Variants in TRMT10B observed in about 807,000 individuals in gnomAD.
TRMT10B encodes tRNA methyltransferase 10 homolog B.
TRMT10B carries 33 observed loss-of-function variants against 43.8 expected under a neutral mutation model. That is an observed-to-expected ratio of 0.75 (90% CI 0.57 to 1.01). The LOEUF (loss-of-function observed/expected upper bound fraction) is 1.01, where lower values mean the gene tolerates loss of function less well. Among genes scored for constraint, TRMT10B ranks in the 50% least tolerant of loss-of-function variants. TRMT10B has a pLI of 0.00. For missense variants in TRMT10B, 362 were observed against 369.8 expected, an observed-to-expected ratio of 0.98 and a Z score of 0.17; for synonymous variants, 137 against 130.6, an observed-to-expected ratio of 1.05 and a Z score of -0.34.
Position 37,776,353 on chromosome 9 carries a change from C to T in TRMT10B, c.792C>T (p.Val264=), listed in dbSNP as rs1589050137. Residue 264 remains valine, a synonymous_variant, in exon 8 of 9, where the codon GTC becomes GTT. Transcript: ENST00000297994. ...GCTTGCCAATCCAGGAATACATGGT[C>T]AGAAACCAGAATGGGAAAAACTATC... ...TARLPIQEYM[V]RNQNGKNYHS... 6.2e-7 allele frequency: 1 copy of T among 1,612,596 alleles called. No individual in the cohort carries two copies. Among genetic ancestry groups the T allele is most frequent in the Non-Finnish European group, 8.5e-7 (1 of 1,179,298 alleles).
rs115353865 is a variant in TRMT10B at position 37,771,578 on chromosome 9, A to T, written c.720+839A>T. ...CCATGACTCCATAGTGATCATCTAA[A>T]ATACGAGCAGGGGCTACTTACAGAA... On this transcript the variant is annotated intron_variant, in intron 7 of 8. Coordinates refer to ENST00000297994, the MANE Select transcript of TRMT10B (RefSeq NM_144964.4). Among the ~76,000 whole-genome samples the T allele has an allele frequency of 6.4e-3, 970 of 152,362 alleles. 11 individuals carry two copies. The highest frequency in any genetic ancestry group is 0.022 in the African/African-American group (929 of 41,592).
intron 7 of TRMT10B, among the ~76,000 whole-genome samples, chr9:37,771,925 C>T (rs1827629935): frequency 6.6e-6 from 1 of 151,606 alleles, no homozygotes; most frequent in Non-Finnish European, 1.5e-5. Context: ...GCTGCAACCT[C>T]GATCTCCTGG....
At chr9:37,768,030 G>A in intron 4 of TRMT10B, 46 bp from the exon 5 acceptor site, 2 of 1,605,072 alleles carry the variant, frequency 1.2e-6, no homozygotes, top group Non-Finnish European at 1.7e-6. Context: ...CTAATTTAGA[G>A]TGAGTTGGCA....
chr9:37,761,181 A>C (rs1826287364), intron 1 of TRMT10B, among the ~76,000 whole-genome samples: 1 of 152,230 alleles, frequency 6.6e-6, no homozygotes, highest in East Asian at 1.9e-4. Flanking sequence ...ACAGTACCTT[A>C]CTTACAGTAG....
chr9:37,770,535 T>C (rs1413724400), intron 6 of TRMT10B, 137 bp from the exon 7 acceptor site: 17 of 809,148 alleles, frequency 2.1e-5, no homozygotes, highest in Non-Finnish European at 5.8e-6. Context: ...AATTAGCTTT[T>C]GGTTTTATTG....
At chr9:37,765,407 G>GT (rs1826880182) in intron 4 of TRMT10B, among the ~76,000 whole-genome samples, 1 of 152,150 alleles carries the variant, frequency 6.6e-6, no homozygotes, top group South Asian at 2.1e-4. Context: ...CTTCATCCAT[G>GT]TCCCTACAAA....
chr9:37,774,465 G>T (rs1827922630), intron 7 of TRMT10B, among the ~76,000 whole-genome samples: 1 of 152,142 alleles, frequency 6.6e-6, no homozygotes, highest in African/African-American at 2.4e-5. Context: ...TTGGAGTTTG[G>T]CTTCTTCACA....
intron 1 of TRMT10B, 102 bp from the exon 2 acceptor site, chr9:37,761,797 TACAC>T (rs748095309): frequency 2.0e-4 from 154 of 774,450 alleles, no homozygotes; most frequent in Non-Finnish European, 2.7e-4. Flanking sequence ...TTCAGTATTT[TACAC>T]ACTTCTTTCA....
At chr9:37,754,209 A>G (rs906542436) in intron 1 of TRMT10B, among the ~76,000 whole-genome samples, 1 of 152,354 alleles carries the variant, frequency 6.6e-6, no homozygotes, top group Non-Finnish European at 1.5e-5. Context: ...TTTATTAAGC[A>G]TCTATAAGCA....
Position 37,777,894 on chromosome 9 carries a change from A to C in TRMT10B, c.*187A>C. ...GTGGCGCATACCTGTAGTCCCAGCTACTTGGGAGGCTGAGGCAGGAGAATC... is the reference window on the plus strand; with the variant it reads ...GTGGCGCATACCTGTAGTCCCAGCTCCTTGGGAGGCTGAGGCAGGAGAATC... On this transcript the variant is annotated 3_prime_UTR_variant, in exon 9 of 9. Coordinates refer to ENST00000297994, the MANE Select transcript of TRMT10B (RefSeq NM_144964.4). 2.2e-6 allele frequency: 1 copy of C among 455,800 alleles called. No individual in the cohort carries two copies. 28.2% of individuals were successfully genotyped at this position (455,800 alleles called of 1,614,324 possible).
chr9:37,775,581 G>A (rs530249708), intron 7 of TRMT10B, among the ~76,000 whole-genome samples: 1 of 152,306 alleles, frequency 6.6e-6, no homozygotes, highest in East Asian at 1.9e-4. Context: ...CCAGGCTGGA[G>A]TGCAGTGGTG....
chr9:37,776,134 ATT>A, intron 7 of TRMT10B, 146 bp from the exon 8 acceptor site: 1 of 669,620 alleles, frequency 1.5e-6, no homozygotes, highest in East Asian at 3.4e-5. Context: ...AAAGTAAGAT[ATT>A]GTCACATAAG....
chr9:37,773,357 G>A (rs1052613956), intron 7 of TRMT10B, among the ~76,000 whole-genome samples: 2 of 151,622 alleles, frequency 1.3e-5, no homozygotes, highest in African/African-American at 2.4e-5. Flanking sequence ...CAGGCCTCAA[G>A]CAATCCTTCT....
Position 37,771,935 on chromosome 9 carries a change from G to A in TRMT10B, c.720+1196G>A, listed in dbSNP as rs935380620. 1.7e-4 allele frequency among the ~76,000 whole-genome samples: 26 copies of A among 151,894 alleles called. 1 individual carries two copies. Among genetic ancestry groups the A allele is most frequent in the Admixed American group, 9.2e-4 (14 of 15,276 alleles). ...CTGTTGCTGCAACCTCGATCTCCTG[G>A]GCTCAAGCAATCCTCCCACCACCTC... On this transcript the variant is annotated intron_variant, in intron 7 of 8. Coordinates refer to ENST00000297994, the MANE Select transcript of TRMT10B (RefSeq NM_144964.4).
At chr9:37,765,883 G>T (rs970922265) in intron 4 of TRMT10B, among the ~76,000 whole-genome samples, 1 of 150,238 alleles carries the variant, frequency 6.7e-6, no homozygotes, top group Non-Finnish European at 1.5e-5. Flanking sequence ...CATAAATGTC[G>T]TCTTTTGAGA....
At chr9:37,753,516 C>T (rs940926638), upstream of TRMT10B, among the ~76,000 whole-genome samples, 5 of 119,180 alleles carry the variant, frequency 4.2e-5, no homozygotes, top group Admixed American at 1.7e-4. Context: ...TCACACACCC[C>T]AGTTTCGCAA....
intron 7 of TRMT10B, among the ~76,000 whole-genome samples, chr9:37,772,668 G>A (rs933476847): frequency 6.6e-6 from 1 of 152,108 alleles, no homozygotes; most frequent in Admixed American, 6.5e-5. Flanking sequence ...GGACTTAACC[G>A]AGGCAGGAGG....
intron 1 of TRMT10B, among the ~76,000 whole-genome samples, chr9:37,755,098 G>A (rs1355245817): frequency 1.3e-5 from 2 of 151,956 alleles, no homozygotes; most frequent in African/African-American, 4.8e-5. Flanking sequence ...GTGAAACTCC[G>A]TCTCTACTAA....
At chr9:37,771,252 TTACA>T (rs1429656872) in intron 7 of TRMT10B, among the ~76,000 whole-genome samples, 1 of 152,220 alleles carries the variant, frequency 6.6e-6, no homozygotes, top group African/African-American at 2.4e-5. Flanking sequence ...TACTAACATA[TTACA>T]TAGATAATAA....
Sources: gnomAD v4.1 joint callset for allele counts (sites outside exome capture counted in the v4.1 genomes callset) on GRCh38, gnomAD v4.1.1 for gene constraint, MANE v1.5 for transcripts, NCBI Gene and HGNC (gene_info 2026-07-23, HGNC 2026-07-21) for gene names.